TENM3: variants seen among roughly 807,000 people sequenced by gnomAD.
The protein encoded by TENM3 is teneurin transmembrane protein 3.
TENM3 carries 63 observed loss-of-function variants against 255.1 expected under a neutral mutation model. The observed-to-expected ratio is 0.25, with a 90% CI of 0.20 to 0.30. The LOEUF (loss-of-function observed/expected upper bound fraction) is 0.30. Among genes scored for constraint, TENM3 ranks in the 10% least tolerant of loss-of-function variants. TENM3 has a pLI of 1.00. For missense variants in TENM3, 2,929 were observed against 3,461.1 expected (o/e 0.85, Z 3.86); for synonymous variants, 1,306 against 1,322.3 (o/e 0.99, Z 0.27).
intron 3 of TENM3, among the ~76,000 whole-genome samples, chr4:182,453,716 TG>T (rs1440391037): frequency 3.9e-5 from 6 of 152,126 alleles, no homozygotes; most frequent in African/African-American, 1.2e-4. Context: ...CAGGGAGAGA[TG>T]GGGCCTGCTG....
chr4:182,788,196 C>T (rs1339265755), intron 24 of TENM3, among the ~76,000 whole-genome samples: 1 of 152,204 alleles, frequency 6.6e-6, no homozygotes, highest in East Asian at 1.9e-4. Flanking sequence ...AGCCACCCCT[C>T]CCACAAAGGT....
chr4:182,471,303 G>A (rs1298038211), intron 3 of TENM3, among the ~76,000 whole-genome samples: 1 of 152,198 alleles, frequency 6.6e-6, no homozygotes, highest in Non-Finnish European at 1.5e-5. Flanking sequence ...ACAGTCATGT[G>A]TTGCCTAAAG....
chr4:182,051,923 A>T, the TENM3 span, among the ~76,000 whole-genome samples: 1 of 152,132 alleles, frequency 6.6e-6, no homozygotes, highest in Non-Finnish European at 1.5e-5. Flanking sequence ...GTTCTAGTTT[A>T]TCTGTATAGC....
the TENM3 span, among the ~76,000 whole-genome samples, chr4:181,560,130 A>T: frequency 6.6e-6 from 1 of 152,208 alleles, no homozygotes. Flanking sequence ...GAGGCTGGGA[A>T]GTTCAAGGTT....
chr4:182,018,560 AC>A, the TENM3 span, among the ~76,000 whole-genome samples: 1 of 152,134 alleles, frequency 6.6e-6, no homozygotes, highest in Non-Finnish European at 1.5e-5. Flanking sequence ...CATCATTCTG[AC>A]CTTTGTATAA....
chr4:181,912,843 C>G, the TENM3 span, among the ~76,000 whole-genome samples: 3 of 151,036 alleles, frequency 2.0e-5, no homozygotes, highest in South Asian at 6.3e-4. Flanking sequence ...TTTTGAATCT[C>G]TACTTGAGAG....
At chr4:182,034,816 T>C in the TENM3 span, among the ~76,000 whole-genome samples, 18 of 152,186 alleles carry the variant, frequency 1.2e-4, no homozygotes, top group African/African-American at 3.6e-4. Flanking sequence ...CCCCTTAACA[T>C]TTTTTCCTTC....
At chr4:182,011,299 A>G in the TENM3 span, among the ~76,000 whole-genome samples, 1,503 of 152,296 alleles carry the variant, frequency 9.9e-3, 26 homozygotes, top group African/African-American at 0.034. Flanking sequence ...TCACAGTTGC[A>G]CATCCCAGAC....
At chr4:182,118,426 T>G in the TENM3 span, among the ~76,000 whole-genome samples, 1 of 152,066 alleles carries the variant, frequency 6.6e-6, no homozygotes, top group Non-Finnish European at 1.5e-5. Flanking sequence ...GGGGTTTTTT[T>G]GTAGATTTTT....
intron 3 of TENM3, among the ~76,000 whole-genome samples, chr4:182,487,388 G>A (rs1304307680): frequency 2.0e-5 from 3 of 152,136 alleles, no homozygotes; most frequent in Non-Finnish European, 4.4e-5. Flanking sequence ...TATCAAGGTT[G>A]TGTAGATTAC....
chr4:181,534,527 C>A, the TENM3 span, among the ~76,000 whole-genome samples: 1 of 151,828 alleles, frequency 6.6e-6, no homozygotes, highest in Non-Finnish European at 1.5e-5. Flanking sequence ...CTTGGCTGTT[C>A]CTGAATGTGC....
At chr4:182,263,622 A>G (rs1313530183) in intron 1 of TENM3, among the ~76,000 whole-genome samples, 1 of 152,110 alleles carries the variant, frequency 6.6e-6, no homozygotes, top group Non-Finnish European at 1.5e-5. Flanking sequence ...CAGCACCCTC[A>G]GCCGCCTAAA....
chr4:181,999,689 T>G, the TENM3 span, among the ~76,000 whole-genome samples: 1,389 of 152,258 alleles, frequency 9.1e-3, 14 homozygotes, highest in Non-Finnish European at 0.015. Context: ...AATATTAAAA[T>G]GGCCTATATC....
At chr4:181,699,472 A>AAAAAAAAAAAAAAAAAT in the TENM3 span, among the ~76,000 whole-genome samples, 1 of 133,000 alleles carries the variant, frequency 7.5e-6, no homozygotes, top group African/African-American at 3.0e-5. Context: ...AAAAAAAAAA[A>AAAAAAAAAAAAAAAAAT]GAAAGAAAGA....
chr4:181,770,694 AAAAG>A, the TENM3 span, among the ~76,000 whole-genome samples: 1 of 151,584 alleles, frequency 6.6e-6, no homozygotes, highest in African/African-American at 2.4e-5. Context: ...AAAAAAAAAA[AAAAG>A]AGTGAGGAAG....
chr4:182,537,405 G>A (rs1241874200), intron 3 of TENM3, among the ~76,000 whole-genome samples: 2 of 152,024 alleles, frequency 1.3e-5, no homozygotes, highest in East Asian at 1.9e-4. Flanking sequence ...TTCTAATTAC[G>A]TACTTCGAGG....
the TENM3 span, among the ~76,000 whole-genome samples, chr4:181,781,261 A>G: frequency 0.18 from 27,201 of 152,106 alleles, 3,118 homozygotes; most frequent in Non-Finnish European, 0.26. Context: ...TGAGCATGGA[A>G]TGTTCTTCCA....
At chr4:181,810,916 G>T in the TENM3 span, among the ~76,000 whole-genome samples, 1 of 152,122 alleles carries the variant, frequency 6.6e-6, no homozygotes, top group Admixed American at 6.6e-5. Context: ...TGGCCTGGGT[G>T]ACTACATGGA....
intron 3 of TENM3, among the ~76,000 whole-genome samples, chr4:182,422,730 C>CT (rs901841220): frequency 1.3e-5 from 2 of 152,062 alleles, no homozygotes; most frequent in East Asian, 1.9e-4. Flanking sequence ...ATTTTAAAAA[C>CT]TTTTTTTTAC....
Sources: allele counts gnomAD v4.1 joint callset (sites outside exome capture counted in the v4.1 genomes callset), GRCh38; gene constraint gnomAD v4.1.1; transcripts MANE v1.5; gene names NCBI Gene and HGNC (gene_info 2026-07-23, HGNC 2026-07-21).